ITSN1: variants seen among roughly 807,000 people sequenced by gnomAD.
ITSN1 encodes intersectin 1.
Under a neutral mutation model 239.8 loss-of-function variants are expected in ITSN1, and 58 were observed. The observed-to-expected ratio is 0.24, with a 90% CI of 0.20 to 0.30. The LOEUF (loss-of-function observed/expected upper bound fraction) is 0.30, where lower values mean the gene tolerates loss of function less well. Among genes scored for constraint, ITSN1 ranks in the 10% least tolerant of loss-of-function variants. ITSN1 has a pLI of 1.00. For synonymous variants in ITSN1, 780 were observed against 770.8 expected (o/e 1.01, Z -0.20); for missense variants, 1,558 against 2,103.3 (o/e 0.74, Z 5.07).
chr21:33,818,141 A>G (rs2073411632), intron 22 of ITSN1, 126 bp from the exon 23 acceptor site: 2 of 715,482 alleles, frequency 2.8e-6, no homozygotes, highest in South Asian at 3.6e-5. Flanking sequence ...GTGCTGCCTC[A>G]GGGCCCTTTG....
chr21:33,897,416 A>G lies in ITSN1; in HGVS notation c.*9116A>G, dbSNP rs987901131. 6.6e-6 allele frequency: 1 copy of G among 152,258 alleles called. No individual in the cohort carries two copies. Among genetic ancestry groups the G allele is most frequent in the African/African-American group, 2.4e-5 (1 of 41,460 alleles). The allele number at this position is 152,258 out of a possible 1,614,324, so 9.4% of individuals were successfully genotyped here. A position where few individuals can be genotyped will look rare whatever the true frequency, so the allele number is the denominator to read the frequency against. On this transcript the variant is annotated 3_prime_UTR_variant, in exon 40 of 40. Coordinates refer to ENST00000381318, the MANE Select transcript of ITSN1 (RefSeq NM_003024.3). ...AGGTGGTGAACTTATGTGTAAATAC[A>G]TGTGTACAGATGAGAAACTGCAACA...
At chr21:33,694,333 G>C (rs7281690) in intron 1 of ITSN1, among the ~76,000 whole-genome samples, 76 of 152,300 alleles carry the variant, frequency 5.0e-4, no homozygotes, top group African/African-American at 1.8e-3. Context: ...CTGGCTGGAT[G>C]TTTCATAATT....
At chr21:33,827,090 T>A (rs764966990) in intron 26 of ITSN1, among the ~76,000 whole-genome samples, 3 of 152,240 alleles carry the variant, frequency 2.0e-5, no homozygotes, top group Non-Finnish European at 2.9e-5. Context: ...GAATGTTCTC[T>A]TGGGTTGTCG....
intron 8 of ITSN1, among the ~76,000 whole-genome samples, chr21:33,761,631 C>G (rs2068334194): frequency 6.6e-6 from 1 of 152,070 alleles, no homozygotes; most frequent in Non-Finnish European, 1.5e-5. Flanking sequence ...GTAATGTGGA[C>G]AAAAGGTCAG....
intron 7 of ITSN1, among the ~76,000 whole-genome samples, chr21:33,753,165 G>A (rs547069218): frequency 6.6e-6 from 1 of 152,242 alleles, no homozygotes; most frequent in South Asian, 2.1e-4. Context: ...ATTTTAAGGC[G>A]TGTGTTCTTA....
intron 16 of ITSN1, among the ~76,000 whole-genome samples, chr21:33,782,898 G>A (rs1043623781): frequency 9.2e-5 from 14 of 152,112 alleles, no homozygotes; most frequent in East Asian, 3.9e-4. Context: ...GGTGGTGGGC[G>A]CCTGTAGTCC....
intron 4 of ITSN1, among the ~76,000 whole-genome samples, chr21:33,722,859 A>G (rs77366573): frequency 0.013 from 1,948 of 152,340 alleles, 42 homozygotes; most frequent in African/African-American, 0.043. Context: ...AAAAGTGGTG[A>G]CATTTGAATG....
intron 31 of ITSN1, among the ~76,000 whole-genome samples, chr21:33,863,367 C>T (rs558177108): frequency 2.0e-4 from 31 of 152,316 alleles, no homozygotes; most frequent in Admixed American, 1.3e-3. Context: ...AACAGGCCAG[C>T]GGCCGGGGCC....
At chr21:33,663,536 T>C (rs1284256601) in intron 1 of ITSN1, among the ~76,000 whole-genome samples, 1 of 152,248 alleles carries the variant, frequency 6.6e-6, no homozygotes, top group Non-Finnish European at 1.5e-5. Context: ...TGAATCAGGA[T>C]GATAAAATGA....
chr21:33,722,559 T>TC (rs773018547), intron 3 of ITSN1, 29 bp from the exon 4 acceptor site: 22 of 1,540,656 alleles, frequency 1.4e-5, no homozygotes, highest in Non-Finnish European at 1.6e-5. Context: ...TTTTTTTTTT[T>TC]CCTGAAACTT....
intron 1 of ITSN1, among the ~76,000 whole-genome samples, chr21:33,667,003 A>G (rs1267150013): frequency 6.6e-6 from 1 of 151,908 alleles, no homozygotes; most frequent in Non-Finnish European, 1.5e-5. Flanking sequence ...TTTCATAGAG[A>G]TGGGGTTTTG....
At chr21:33,688,094 T>A (rs918733784) in intron 1 of ITSN1, among the ~76,000 whole-genome samples, 3 of 152,120 alleles carry the variant, frequency 2.0e-5, no homozygotes, top group Non-Finnish European at 4.4e-5. Context: ...TTTTTTTTTT[T>A]CTTGAAAAGG....
At position 33,841,937 on chromosome 21, in the gene ITSN1, C is replaced by CT. The variant is rs60218190; in HGVS notation, c.3661+5323dup. Among the ~76,000 whole-genome samples, 541 of 131,956 alleles carry CT rather than the reference C, an allele frequency of 4.1e-3. 2 individuals carry two copies. The highest frequency in any genetic ancestry group is 0.015 in the Middle Eastern group (4 of 264). 86.6% of individuals were successfully genotyped at this position (131,956 alleles called of 152,430 possible). ...GCTTCAGCCAGAGTTCTCTTGGGCACTTTTTTTTTTTTTTTTTTGAGACGG... is the reference window on the plus strand; with the variant it reads ...GCTTCAGCCAGAGTTCTCTTGGGCACTTTTTTTTTTTTTTTTTTTGAGACGG... On this transcript the variant is annotated intron_variant, in intron 29 of 39. Coordinates refer to ENST00000381318, the MANE Select transcript of ITSN1 (RefSeq NM_003024.3).
intron 1 of ITSN1, among the ~76,000 whole-genome samples, chr21:33,659,290 C>T (rs536516177): frequency 1.3e-5 from 2 of 152,316 alleles, no homozygotes; most frequent in African/African-American, 4.8e-5. Flanking sequence ...ATGCTTTGTG[C>T]AGTGAGTCTC....
At chr21:33,698,568 C>T (rs1412605078) in intron 1 of ITSN1, among the ~76,000 whole-genome samples, 1 of 152,180 alleles carries the variant, frequency 6.6e-6, no homozygotes, top group Non-Finnish European at 1.5e-5. Flanking sequence ...TCTTGTTCTT[C>T]TACTTCAAAT....
intron 1 of ITSN1, among the ~76,000 whole-genome samples, chr21:33,668,694 G>A (rs574188957): frequency 6.6e-6 from 1 of 152,278 alleles, no homozygotes; most frequent in South Asian, 2.1e-4. Context: ...TACCTCAAGA[G>A]ATTTTCTTTA....
intron 21 of ITSN1, 116 bp downstream of exon 21, chr21:33,811,338 C>T (rs1262877151): frequency 7.8e-6 from 8 of 1,025,882 alleles, no homozygotes; most frequent in Middle Eastern, 6.5e-4. Context: ...AGGGAGCTGG[C>T]TCATTTTCAG....
chr21:33,649,472 G>A (rs956448659), intron 1 of ITSN1, among the ~76,000 whole-genome samples: 2 of 152,168 alleles, frequency 1.3e-5, no homozygotes, highest in African/African-American at 4.8e-5. Context: ...TTAATGATAG[G>A]TAGCTTGCTT....
intron 1 of ITSN1, among the ~76,000 whole-genome samples, chr21:33,681,598 C>T (rs1048420904): frequency 6.6e-5 from 10 of 150,478 alleles, no homozygotes; most frequent in Non-Finnish European, 1.3e-4. Flanking sequence ...TTGATGCCTC[C>T]GCTTAGTTTG....
Sources: gnomAD v4.1 joint callset for allele counts (sites outside exome capture counted in the v4.1 genomes callset) on GRCh38, gnomAD v4.1.1 for gene constraint, MANE v1.5 for transcripts, NCBI Gene and HGNC (gene_info 2026-07-23, HGNC 2026-07-21) for gene names.